The following ANK3 variants were observed in gnomAD, a reference collection of about 807,000 sequenced individuals.
The protein encoded by ANK3 is ankyrin-3.
Under a neutral mutation model 370.9 loss-of-function variants are expected in ANK3, and 57 were observed. The observed-to-expected ratio is 0.15, with a 90% CI of 0.12 to 0.19. ANK3 has a LOEUF of 0.19. Among genes scored for constraint, ANK3 ranks in the 10% least tolerant of loss-of-function variants. ANK3 has a pLI of 1.00. For synonymous variants in ANK3, 1,929 were observed against 1,946.3 expected (o/e 0.99, Z 0.23); for missense variants, 4,439 against 5,302.1 (o/e 0.84, Z 5.06).
In ANK3 at chr10:60,517,095, C is replaced by T. The variant is rs73273157; in HGVS notation, c.96+98091G>A. 2.7e-3 allele frequency among the ~76,000 whole-genome samples: 411 copies of T among 152,120 alleles called. 4 individuals are homozygous for T. Among genetic ancestry groups the T allele is most frequent in the African/African-American group, 9.6e-3 (399 of 41,502 alleles). ...TTTCTGTTTGGTTTTTTGACAGTCT[C>T]GCTCTGTCACCCAGGCTGAAGTGCA... is the stretch of plus-strand genomic sequence containing the variant. On this transcript the variant is annotated intron_variant, in intron 2 of 43. Coordinates refer to the ANK3 transcript ENST00000373827.
intron 2 of ANK3, among the ~76,000 whole-genome samples, chr10:60,603,199 C>T (rs891707053): frequency 3.2e-4 from 48 of 152,062 alleles, no homozygotes; most frequent in Admixed American, 2.1e-3. Flanking sequence ...GAAACTAAGA[C>T]AAGGTATCAG....
intron 7 of ANK3, among the ~76,000 whole-genome samples, chr10:60,241,162 C>G (rs1244016381): frequency 2.0e-5 from 3 of 151,934 alleles, no homozygotes; most frequent in Non-Finnish European, 4.4e-5. Flanking sequence ...TATCCTGCAC[C>G]TAAAAATATG....
chr10:60,572,852 C>A, intron 2 of ANK3: 1 of 1,075,208 alleles, frequency 9.3e-7, no homozygotes, highest in South Asian at 3.7e-5. Flanking sequence ...GACTTTGTTG[C>A]TTGTTCCTCC....
At chr10:60,373,044 A>T (rs779749865) in intron 1 of ANK3, among the ~76,000 whole-genome samples, 2 of 152,206 alleles carry the variant, frequency 1.3e-5, no homozygotes, top group Non-Finnish European at 2.9e-5. Context: ...TGTCATCTCC[A>T]TCATATGAAT....
intron 2 of ANK3, among the ~76,000 whole-genome samples, chr10:60,473,541 G>A (rs2065266165): frequency 6.6e-6 from 1 of 152,134 alleles, no homozygotes; most frequent in East Asian, 1.9e-4. Context: ...ATCCTATCAT[G>A]AAGATAATAA....
intron 2 of ANK3, among the ~76,000 whole-genome samples, chr10:60,613,524 C>G (rs2078227821): frequency 6.6e-6 from 1 of 152,118 alleles, no homozygotes; most frequent in African/African-American, 2.4e-5. Context: ...ATAGGTAGAA[C>G]ATATCATATG....
At chr10:60,149,705 T>C (rs75391973) in intron 23 of ANK3, among the ~76,000 whole-genome samples, 1,846 of 152,302 alleles carry the variant, frequency 0.012, 23 homozygotes, top group Non-Finnish European at 0.018. Flanking sequence ...CCCATACCCC[T>C]TATTTTGTTT....
In ANK3 at chr10:60,205,744, C is replaced by T. The variant is rs200225535; in HGVS notation, c.1293+48G>A. Reference sequence around the variant, plus strand: ...GGCCCTGGGGCTCTGGCTGCTAAGGCTATACTCTCAGTATCTCAGGACTCC... The same window carrying T: ...GGCCCTGGGGCTCTGGCTGCTAAGGTTATACTCTCAGTATCTCAGGACTCC... On this transcript the variant is annotated intron_variant, in intron 11 of 43. Coordinates refer to ENST00000280772, the MANE Select transcript of ANK3 (RefSeq NM_020987.5). 1.1e-4 allele frequency: 147 copies of T among 1,388,658 alleles called. No individual in the cohort carries two copies. In the East Asian group the frequency reaches 3.1e-3, roughly 29 times the overall value. The allele number at this position is 1,388,658 out of a possible 1,614,324, so 86.0% of individuals were successfully genotyped here. A position where few individuals can be genotyped will look rare whatever the true frequency, so the allele number is the denominator to read the frequency against.
At chr10:60,035,913 T>TAA in intron 43 of ANK3, among the ~76,000 whole-genome samples, 1 of 151,850 alleles carries the variant, frequency 6.6e-6, no homozygotes. Context: ...ATACATAATA[T>TAA]AAAAACATAT....
At chr10:60,563,152 TATC>T (rs1195103318) in intron 2 of ANK3, among the ~76,000 whole-genome samples, 1 of 152,196 alleles carries the variant, frequency 6.6e-6, no homozygotes, top group Non-Finnish European at 1.5e-5. Context: ...GCTTTATAAA[TATC>T]ATCTTGAAAA....
At chr10:60,631,676 A>C (rs1041131283) in intron 1 of ANK3, among the ~76,000 whole-genome samples, 3 of 152,198 alleles carry the variant, frequency 2.0e-5, no homozygotes, top group Non-Finnish European at 4.4e-5. Flanking sequence ...TAAATCATCA[A>C]AAGTATAAAA....
rs2079045826 is a variant in ANK3 at position 60,055,709 on chromosome 10, C to T, written c.13014G>A (p.Lys4338=). Residue 4338 remains lysine, a synonymous_variant, in exon 42 of 44, where the codon AAG becomes AAA. Transcript: ENST00000280772. ...KMSRTSPADG[K]PRLSLHEEEG... ...CTTCTTCATGGAGGCTAAGCCTTGG[C>T]TTGCCATCTGCTGGAGAAGTCCTAC... is the stretch of plus-strand genomic sequence containing the variant. The T allele has an allele frequency of 1.2e-6, 2 of 1,614,092 alleles. No individual in the cohort carries two copies. The highest frequency in any genetic ancestry group is 1.7e-6 in the Non-Finnish European group (2 of 1,179,992).
chr10:60,378,178 G>C (rs1455743340), intron 1 of ANK3, among the ~76,000 whole-genome samples: 1 of 152,082 alleles, frequency 6.6e-6, no homozygotes, highest in East Asian at 1.9e-4. Flanking sequence ...AGTCCAAGGT[G>C]ACTCATTTCT....
intron 2 of ANK3, among the ~76,000 whole-genome samples, chr10:60,413,449 C>T (rs12416179): frequency 0.14 from 20,988 of 152,172 alleles, 1,560 homozygotes; most frequent in South Asian, 0.16. Context: ...TTCTCTAGTT[C>T]CCAAGGTAGT....
At chr10:60,040,518 T>C (rs1016183066) in intron 43 of ANK3, among the ~76,000 whole-genome samples, 1 of 152,206 alleles carries the variant, frequency 6.6e-6, no homozygotes, top group African/African-American at 2.4e-5. Flanking sequence ...TAGCTGAAGT[T>C]ATTTTCACAT....
At chr10:60,487,076 A>C (rs78559636) in intron 2 of ANK3, among the ~76,000 whole-genome samples, 15,607 of 152,278 alleles carry the variant, frequency 0.1, 874 homozygotes, top group South Asian at 0.17. Context: ...GCGATGAGCA[A>C]TTAAAGGAAA....
chr10:60,240,143 C>T (rs201620088), intron 7 of ANK3, among the ~76,000 whole-genome samples: 49 of 126,038 alleles, frequency 3.9e-4, no homozygotes, highest in African/African-American at 1.4e-3. Context: ...CATATATATA[C>T]ACATATATAT....
chr10:60,077,168 A>G (rs1027476630), intron 36 of ANK3, among the ~76,000 whole-genome samples: 1 of 152,230 alleles, frequency 6.6e-6, no homozygotes, highest in African/African-American at 2.4e-5. Context: ...CAATAAGAGC[A>G]AGAAGTTTTC....
intron 2 of ANK3, among the ~76,000 whole-genome samples, chr10:60,580,946 C>G (rs2077742372): frequency 6.6e-6 from 1 of 151,590 alleles, no homozygotes; most frequent in East Asian, 1.9e-4. Flanking sequence ...TCCAGGCAAA[C>G]TTTTATCGTC....
Sources: gnomAD v4.1 joint callset for allele counts (sites outside exome capture counted in the v4.1 genomes callset) on GRCh38, gnomAD v4.1.1 for gene constraint, MANE v1.5 for transcripts, NCBI Gene and HGNC (gene_info 2026-07-23, HGNC 2026-07-21) for gene names.